The following ABHD5 variants were observed in gnomAD, a reference collection of about 807,000 sequenced individuals.
The protein encoded by ABHD5 is abhydrolase domain containing 5, lysophosphatidic acid acyltransferase.
A neutral mutation model predicts 44.9 loss-of-function variants in ABHD5; 30 were observed. The ratio of observed to expected loss-of-function variants is 0.67; its 90% confidence interval spans 0.50 to 0.91. The LOEUF (loss-of-function observed/expected upper bound fraction) is 0.91, where lower values mean the gene tolerates loss of function less well. Ranked by LOEUF, ABHD5 falls within the 40% of genes least tolerant of loss-of-function variation. The pLI is 0.00. For missense variants in ABHD5, 399 were observed against 423.4 expected (o/e 0.94, Z 0.50); for synonymous variants, 167 against 147.0 (o/e 1.14, Z -0.99).
At chr3:43,730,390 T>A (rs2084904973) in intron 7 of ABHD5, among the ~76,000 whole-genome samples, 1 of 152,144 alleles carries the variant, frequency 6.6e-6, no homozygotes, top group Non-Finnish European at 1.5e-5. Context: ...TGAAAAACAC[T>A]GGTGAGAGAC....
rs1412413069 is a variant in ABHD5, at chr3:43,722,222, A to T, written c.*3690A>T. ...GAATTGATGGAAGGAACTAGGGTATATCTATACAATGGGATACTACACAGC... is the reference window on the plus strand; with the variant it reads ...GAATTGATGGAAGGAACTAGGGTATTTCTATACAATGGGATACTACACAGC... On this transcript the variant is annotated 3_prime_UTR_variant, in exon 7 of 7. Transcript: ENST00000644371. 6.6e-6 allele frequency: 1 copy of T among 152,262 alleles called. No individual in the cohort carries two copies. Among genetic ancestry groups the T allele is most frequent in the East Asian group, 1.9e-4 (1 of 5,204 alleles). The allele number at this position is 152,262 out of a possible 1,614,324, so 9.4% of individuals were successfully genotyped here.
chr3:43,725,848 G>GTTTTTTTTT (rs34068036), downstream of ABHD5, among the ~76,000 whole-genome samples: 1 of 146,806 alleles, frequency 6.8e-6, no homozygotes. Context: ...CTGTTTCCTA[G>GTTTTTTTTT]TTTTTTTTTT....
intron 4 of ABHD5, 67 bp from the exon 5 acceptor site, chr3:43,714,880 T>C: frequency 8.9e-7 from 1 of 1,117,564 alleles, no homozygotes; most frequent in Non-Finnish European, 1.4e-6. Context: ...TAAAACTTTC[T>C]ATATTATTTA....
chr3:43,712,844 A>G (rs745389117), intron 4 of ABHD5, among the ~76,000 whole-genome samples: 9 of 152,130 alleles, frequency 5.9e-5, no homozygotes, highest in South Asian at 2.1e-4. Flanking sequence ...CCTTCTCTCC[A>G]TAATGCTTTG....
At chr3:43,693,421 A>G (rs1389018457) in intron 1 of ABHD5, among the ~76,000 whole-genome samples, 1 of 152,196 alleles carries the variant, frequency 6.6e-6, no homozygotes, top group East Asian at 1.9e-4. Context: ...TAGACTGTGA[A>G]TGTAGGTCTT....
intron 7 of ABHD5, among the ~76,000 whole-genome samples, chr3:43,730,968 A>G (rs2084909224): frequency 1.3e-5 from 2 of 152,124 alleles, no homozygotes; most frequent in African/African-American, 4.8e-5. Context: ...AGCTGCGACT[A>G]CAGGTGCATG....
intron 1 of ABHD5, among the ~76,000 whole-genome samples, chr3:43,698,277 C>T (rs1240610374): frequency 6.6e-6 from 1 of 152,216 alleles, no homozygotes; most frequent in Non-Finnish European, 1.5e-5. Flanking sequence ...TCTTTGACTA[C>T]ATCTTCTTGT....
chr3:43,694,203 GAGCCGA>G (rs1315721921), intron 1 of ABHD5, among the ~76,000 whole-genome samples: 3 of 147,316 alleles, frequency 2.0e-5, no homozygotes, highest in African/African-American at 7.6e-5. Context: ...AGCTTGCAGT[GAGCCGA>G]GATCGTGCCA....
chr3:43,714,890 A>G, intron 4 of ABHD5, 57 bp from the exon 5 acceptor site: 2 of 1,207,574 alleles, frequency 1.7e-6, no homozygotes, highest in Non-Finnish European at 2.5e-6. Flanking sequence ...TATATTATTT[A>G]GTTGATAAGT....
chr3:43,700,112 G>A (rs1245218384), intron 2 of ABHD5, among the ~76,000 whole-genome samples: 1 of 152,136 alleles, frequency 6.6e-6, no homozygotes, highest in Non-Finnish European at 1.5e-5. Flanking sequence ...CCACTAGGTG[G>A]TTACAAGATC....
chr3:43,728,912 A>G (rs2084895975), intron 7 of ABHD5, among the ~76,000 whole-genome samples: 1 of 152,214 alleles, frequency 6.6e-6, no homozygotes, highest in Admixed American at 6.5e-5. Flanking sequence ...TTCTCACTGC[A>G]CTTCCAAATT....
At position 43,717,678 on chromosome 3, in the gene ABHD5, A is replaced by G. The variant is rs2084783743; in HGVS notation, c.781A>G (p.Thr261Ala). Residue 261 changes from threonine (T) to alanine (A), a missense_variant, in exon 6 of 7, where the codon ACA becomes GCA. Thr to Ala is a moderately conservative substitution (Grantham distance 58). Coordinates refer to ENST00000644371, the MANE Select transcript of ABHD5 (RefSeq NM_016006.6). ...HCNVQTPSGETAFKNMTIPYG... is the reference protein window; with the variant it reads ...HCNVQTPSGEAAFKNMTIPYG... ...TTCTCCTTGCCGTTAAAGTGGTGAG[A>G]CAGCTTTCAAGAATATGACTATTCC... The G allele has an allele frequency of 6.2e-7, 1 of 1,614,104 alleles. No homozygotes were observed. Among genetic ancestry groups the G allele is most frequent in the Non-Finnish European group, 8.5e-7 (1 of 1,180,038 alleles).
chr3:43,700,785 G>C (rs1311258629), intron 2 of ABHD5, among the ~76,000 whole-genome samples: 1 of 151,260 alleles, frequency 6.6e-6, no homozygotes, highest in East Asian at 1.9e-4. Flanking sequence ...TGTTGACCAG[G>C]CTAGTCTTGA....
intron 7 of ABHD5, among the ~76,000 whole-genome samples, chr3:43,728,040 T>A (rs570065133): frequency 6.6e-6 from 1 of 152,324 alleles, no homozygotes; most frequent in Admixed American, 6.5e-5. Context: ...CCCTTCTCTC[T>A]TTGACTTTCG....
intron 7 of ABHD5, among the ~76,000 whole-genome samples, chr3:43,730,294 T>C (rs1180500152): frequency 2.0e-5 from 3 of 152,200 alleles, no homozygotes; most frequent in African/African-American, 7.2e-5. Context: ...TCCTGAGGAA[T>C]GCTCTTGGCT....
rs1325998763 is a variant in ABHD5 at position 43,715,036 on chromosome 3, C to A, written c.751C>A (p.His251Asn). ...EDDTVTEYIY[H>N]CNVQTPSGET... Reference sequence around the variant, plus strand: ...CGATACTGTGACAGAATACATCTACCACTGTAATGTGCAGACTCCAAGGTG... The same window carrying A: ...CGATACTGTGACAGAATACATCTACAACTGTAATGTGCAGACTCCAAGGTG... The change falls in exon 5 of 7, where the codon CAC (histidine) becomes AAC (asparagine). Residue 251 changes from histidine (H) to asparagine (N), a missense_variant. By Grantham distance (68) the His-to-Asn change is moderately conservative (BLOSUM62 1). Transcript: ENST00000644371. The A allele has an allele frequency of 6.2e-7, 1 of 1,612,450 alleles. No homozygotes were observed. Among genetic ancestry groups the A allele is most frequent in the South Asian group, 1.1e-5 (1 of 91,008 alleles).
intron 4 of ABHD5, among the ~76,000 whole-genome samples, chr3:43,712,677 T>G (rs1258652745): frequency 6.6e-6 from 1 of 152,176 alleles, no homozygotes; most frequent in Non-Finnish European, 1.5e-5. Flanking sequence ...TTTTAGCACT[T>G]GTTCTGGTTG....
chr3:43,697,668 T>G (rs2084490172), intron 1 of ABHD5, among the ~76,000 whole-genome samples: 1 of 152,128 alleles, frequency 6.6e-6, no homozygotes, highest in Non-Finnish European at 1.5e-5. Context: ...TTTTGAGAGA[T>G]ATGAAGTACT....
At chr3:43,691,108 C>T (rs1417982899) in intron 1 of ABHD5, 69 bp downstream of exon 1, 1 of 1,434,802 alleles carries the variant, frequency 7.0e-7, no homozygotes. Flanking sequence ...GGGTTAGGGC[C>T]CAGCGGGCAG....
Sources: gnomAD v4.1 joint callset for allele counts (sites outside exome capture counted in the v4.1 genomes callset) on GRCh38, gnomAD v4.1.1 for gene constraint, MANE v1.5 for transcripts, NCBI Gene and HGNC (gene_info 2026-07-23, HGNC 2026-07-21) for gene names.